The following SLCO1B1 variants were observed in gnomAD, a reference collection of about 807,000 sequenced individuals.
SLCO1B1 encodes OATP-2.
A neutral mutation model predicts 70.1 loss-of-function variants in SLCO1B1; 81 were observed. The ratio of observed to expected loss-of-function variants is 1.16; its 90% CI spans 0.97 to 1.39. The LOEUF (loss-of-function observed/expected upper bound fraction) is 1.39, where lower values mean the gene tolerates loss of function less well. Ranked by LOEUF, SLCO1B1 falls within the 40% of genes most tolerant of loss-of-function variation. The pLI is 0.00. For missense variants in SLCO1B1, 895 were observed against 799.6 expected (o/e 1.12, Z -1.44); for synonymous variants, 283 against 271.5 (o/e 1.04, Z -0.42).
chr12:21,183,936 G>A (rs1940933854), intron 7 of SLCO1B1, among the ~76,000 whole-genome samples: 1 of 151,574 alleles, frequency 6.6e-6, no homozygotes, highest in Non-Finnish European at 1.5e-5. Context: ...AATACTACAT[G>A]GATTTGATAA....
rs949994662 is a variant in SLCO1B1 at position 21,188,630 on chromosome 12, G to A, written c.728-8316G>A. Among the ~76,000 whole-genome samples the A allele has an allele frequency of 2.0e-4, 31 of 152,120 alleles. 1 individual carries two copies. Among genetic ancestry groups the A allele is most frequent in the African/African-American group, 7.2e-4 (30 of 41,508 alleles). ...TGAATAGTTTAACACCATCCCCCTTGATGCTGATCTCATGATACTGAGTGA... is the reference window on the plus strand; with the variant it reads ...TGAATAGTTTAACACCATCCCCCTTAATGCTGATCTCATGATACTGAGTGA... On this transcript the variant is annotated intron_variant, in intron 7 of 14. Coordinates refer to ENST00000256958, the MANE Select transcript of SLCO1B1 (RefSeq NM_006446.5).
At chr12:21,211,702 T>C (rs1304853734) in intron 11 of SLCO1B1, among the ~76,000 whole-genome samples, 3 of 152,234 alleles carry the variant, frequency 2.0e-5, no homozygotes, top group Admixed American at 6.5e-5. Flanking sequence ...GGACTCTTTT[T>C]GGTTGGTAAG....
chr12:21,179,366 A>T (rs1327433483), intron 7 of SLCO1B1, among the ~76,000 whole-genome samples: 1 of 152,142 alleles, frequency 6.6e-6, no homozygotes, highest in Non-Finnish European at 1.5e-5. Flanking sequence ...GATGTGTACA[A>T]CTTAAAGTTT....
chr12:21,142,394 G>A (rs1446430106), intron 2 of SLCO1B1, among the ~76,000 whole-genome samples: 1 of 151,958 alleles, frequency 6.6e-6, no homozygotes, highest in African/African-American at 2.4e-5. Context: ...TCTACATTGT[G>A]AATTGAAAAC....
In SLCO1B1 at chr12:21,239,009, A is replaced by C. The variant is rs774790356; in HGVS notation, c.1896A>C (p.Leu632Phe). The part of the protein sequence containing the change: ...SRVYLGLSSM[L>F]RVSSLVLYII... Reference sequence around the variant, plus strand: ...TCTACTTGGGCTTGTCTTCAATGTTAAGAGTCTCATCACTTGTTTTATATA... The same window carrying C: ...TCTACTTGGGCTTGTCTTCAATGTTCAGAGTCTCATCACTTGTTTTATATA... The change falls in exon 15 of 15, where the codon TTA becomes TTC. Residue 632 changes from leucine (L) to phenylalanine (F), a missense_variant. Transcript: ENST00000256958. 6.3e-7 allele frequency: 1 copy of C among 1,583,500 alleles called. No individual in the cohort carries two copies. The highest frequency in any genetic ancestry group is 8.7e-7 in the Non-Finnish European group (1 of 1,154,958).
At chr12:21,155,002 T>A (rs1343913585) in intron 2 of SLCO1B1, among the ~76,000 whole-genome samples, 2 of 152,042 alleles carry the variant, frequency 1.3e-5, no homozygotes, top group Non-Finnish European at 2.9e-5. Context: ...TTTTTTCTTG[T>A]CTTTGATATT....
At chr12:21,190,977 G>A (rs1941023505) in intron 7 of SLCO1B1, among the ~76,000 whole-genome samples, 1 of 151,300 alleles carries the variant, frequency 6.6e-6, no homozygotes, top group Non-Finnish European at 1.5e-5. Context: ...CCCATTTATT[G>A]TCTCTGTTCT....
chr12:21,207,848 G>T (rs117378656), intron 11 of SLCO1B1, among the ~76,000 whole-genome samples: 4 of 151,908 alleles, frequency 2.6e-5, no homozygotes, highest in African/African-American at 9.7e-5. Context: ...TGACTGGTGT[G>T]AGATGGTATC....
intron 1 of SLCO1B1, among the ~76,000 whole-genome samples, chr12:21,138,960 G>T (rs1226861466): frequency 6.6e-6 from 1 of 152,056 alleles, no homozygotes; most frequent in Non-Finnish European, 1.5e-5. Flanking sequence ...GTCGTTAAAG[G>T]GATCTTTGAA....
At chr12:21,134,321 T>A (rs1482178835) in intron 1 of SLCO1B1, among the ~76,000 whole-genome samples, 3 of 152,202 alleles carry the variant, frequency 2.0e-5, no homozygotes, top group Admixed American at 2.0e-4. Flanking sequence ...CTGCCAGGCT[T>A]TGGTATCAGG....
Position 21,164,930 on chromosome 12 carries a change from A to C in SLCO1B1, c.85-7720A>C. On this transcript the variant is annotated intron_variant, in intron 2 of 14. Coordinates refer to ENST00000256958, the MANE Select transcript of SLCO1B1 (RefSeq NM_006446.5). ...TGGTTTATTGCTGCTGAAGATTATA[A>C]TTTTCAGTGCATTGATTATGTCTTA... is the stretch of plus-strand genomic sequence containing the variant. 3 of 425,404 alleles carry C rather than the reference A, an allele frequency of 7.1e-6. No individual in the cohort carries two copies. In the Admixed American group the frequency reaches 8.3e-5, roughly 12 times the overall value. 26.4% of individuals were successfully genotyped at this position (425,404 alleles called of 1,614,324 possible).
At chr12:21,145,408 T>A (rs1444619745) in intron 2 of SLCO1B1, among the ~76,000 whole-genome samples, 2 of 151,424 alleles carry the variant, frequency 1.3e-5, no homozygotes, top group Non-Finnish European at 2.9e-5. Context: ...CAGGCTCAAG[T>A]GATTCTCCCA....
In SLCO1B1 at chr12:21,135,990, G is replaced by A. The variant is rs556805487; in HGVS notation, c.-62+4754G>A. 2.5e-4 allele frequency among the ~76,000 whole-genome samples: 38 copies of A among 152,242 alleles called. 1 individual carries two copies. The highest frequency in any genetic ancestry group is 3.4e-3 in the Middle Eastern group (1 of 294). On this transcript the variant is annotated intron_variant, in intron 1 of 14. Coordinates refer to ENST00000256958, the MANE Select transcript of SLCO1B1 (RefSeq NM_006446.5). ...GCTGGTACCAGTTGTTCCTTTCCAT[G>A]TTTAGTGCTTCCTTCAGGAGCTCTT... is the stretch of plus-strand genomic sequence containing the variant.
intron 2 of SLCO1B1, among the ~76,000 whole-genome samples, chr12:21,144,015 G>T (rs1209761643): frequency 1.9e-5 from 2 of 107,886 alleles, no homozygotes; most frequent in Non-Finnish European, 5.0e-5. Context: ...TCAAATACTT[G>T]AATTCTTTTC....
In SLCO1B1 at chr12:21,217,262, C is replaced by T. The variant is rs200158405; in HGVS notation, c.1641C>T (p.Phe547=). The T allele has an allele frequency of 1.9e-6, 3 of 1,613,712 alleles. No individual in the cohort carries two copies. In the South Asian group the frequency reaches 3.3e-5, roughly 18 times the overall value. ...FVAIQVLNLF[F]SALGGTSHVM... is the part of the protein sequence containing the mutation. ...CAATACAAGTCTTGAATTTATTTTT[C>T]TCTGCACTTGGAGGCACCTCACATG... Residue 547 remains phenylalanine (F), a synonymous_variant, in exon 12 of 15, where the codon TTC becomes TTT. Transcript: ENST00000256958.
intron 1 of SLCO1B1, among the ~76,000 whole-genome samples, chr12:21,131,822 AG>A (rs1371476352): frequency 6.6e-6 from 1 of 151,760 alleles, no homozygotes; most frequent in African/African-American, 2.4e-5. Context: ...TTCTCAGTAC[AG>A]TTTTTTTCTT....
intron 2 of SLCO1B1, among the ~76,000 whole-genome samples, chr12:21,164,561 A>G (rs1014354452): frequency 4.6e-5 from 7 of 152,062 alleles, no homozygotes; most frequent in African/African-American, 1.7e-4. Flanking sequence ...TTAACCATCT[A>G]AAATTTAATT....
At chr12:21,195,039 C>A (rs1941075049) in intron 7 of SLCO1B1, among the ~76,000 whole-genome samples, 1 of 152,188 alleles carries the variant, frequency 6.6e-6, no homozygotes, top group South Asian at 2.1e-4. Flanking sequence ...AAGGATCAAC[C>A]CCCATGACCC....
At chr12:21,182,358 G>T (rs1467746635) in intron 7 of SLCO1B1, among the ~76,000 whole-genome samples, 6 of 152,128 alleles carry the variant, frequency 3.9e-5, no homozygotes, top group African/African-American at 1.2e-4. Context: ...AGCCAGCCTT[G>T]AACCCAGGGG....
Sources: allele counts gnomAD v4.1 joint callset (sites outside exome capture counted in the v4.1 genomes callset), GRCh38; gene constraint gnomAD v4.1.1; transcripts MANE v1.5; gene names NCBI Gene and HGNC (gene_info 2026-07-23, HGNC 2026-07-21).